The following PGM5 variants were observed in gnomAD, a reference collection of about 807,000 sequenced individuals.
The protein encoded by PGM5 is phosphoglucomutase 5, also known as phosphoglucomutase-like protein 5.
A neutral mutation model predicts 59.2 loss-of-function variants in PGM5; 23 were observed. The observed-to-expected ratio is 0.39, with a 90% CI of 0.28 to 0.55. The LOEUF is 0.55. Ranked by LOEUF, PGM5 falls within the 20% of genes least tolerant of loss-of-function variation. The pLI is 0.66. For missense variants in PGM5, 574 were observed against 748.3 expected, an observed-to-expected ratio of 0.77 and a Z score of 2.72; for synonymous variants, 214 against 286.0, an observed-to-expected ratio of 0.75 and a Z score of 2.54.
In PGM5 at chr9:68,384,655, G is replaced by C. The variant is rs1162422304; in HGVS notation, c.571+111G>C. 12 of 685,848 alleles carry C rather than the reference G, an allele frequency of 1.7e-5. No individual in the cohort carries two copies. The African/African-American group carries it at 2.2e-4, about 13-fold the overall frequency. The allele number at this position is 685,848 out of a possible 1,614,324, so 42.5% of individuals were successfully genotyped here. A position where few individuals can be genotyped will look rare whatever the true frequency, so the allele number is the denominator to read the frequency against. ...TTATTGCATTGTTAATCTCAGGGGT[G>C]ACTCGATAAATGTGTGTAAACTTAA... is the stretch of plus-strand genomic sequence containing the variant. On this transcript the variant is annotated intron_variant, in intron 3 of 10. Transcript: ENST00000396396.
chr9:68,499,621 G>A (rs546388778), intron 10 of PGM5, among the ~76,000 whole-genome samples: 6 of 152,338 alleles, frequency 3.9e-5, no homozygotes, highest in African/African-American at 1.4e-4. Flanking sequence ...TGACTGTTGA[G>A]TGGTTTGTTA....
intron 6 of PGM5, among the ~76,000 whole-genome samples, chr9:68,427,789 C>A (rs1429641098): frequency 1.3e-5 from 2 of 152,108 alleles, no homozygotes; most frequent in Non-Finnish European, 2.9e-5. Flanking sequence ...GGATGAAAAC[C>A]AATCCTAGGT....
At chr9:68,358,996 G>A (rs1308895217) in intron 1 of PGM5, among the ~76,000 whole-genome samples, 4 of 152,156 alleles carry the variant, frequency 2.6e-5, no homozygotes, top group African/African-American at 9.7e-5. Context: ...GGAGAATAAC[G>A]AGCCTTGGGA....
intron 6 of PGM5, among the ~76,000 whole-genome samples, chr9:68,434,188 G>T (rs1323552274): frequency 2.6e-5 from 4 of 151,666 alleles, no homozygotes; most frequent in African/African-American, 9.7e-5. Context: ...ATGGTGGTGG[G>T]TGCCTGTAAC....
At chr9:68,407,537 A>G (rs1822844970) in intron 6 of PGM5, among the ~76,000 whole-genome samples, 1 of 152,206 alleles carries the variant, frequency 6.6e-6, no homozygotes, top group Non-Finnish European at 1.5e-5. Flanking sequence ...ATAGGACCCT[A>G]GAAGTCCCAT....
At chr9:68,376,487 G>A (rs1170460442) in intron 1 of PGM5, among the ~76,000 whole-genome samples, 2 of 129,040 alleles carry the variant, frequency 1.5e-5, no homozygotes, top group East Asian at 2.1e-4. Flanking sequence ...GTGTGTGTGT[G>A]TGTGTGTGTG....
chr9:68,497,140 A>G (rs1324750070), intron 9 of PGM5: 6 of 152,214 alleles, frequency 3.9e-5, no homozygotes, highest in Non-Finnish European at 8.8e-5. Context: ...ACAGTCAGTA[A>G]TTGCTTCACT....
chr9:68,421,843 T>C (rs1823135609), intron 6 of PGM5, among the ~76,000 whole-genome samples: 1 of 151,696 alleles, frequency 6.6e-6, no homozygotes, highest in Non-Finnish European at 1.5e-5. Flanking sequence ...CATAGTACAA[T>C]TTGTAGAGAA....
chr9:68,433,176 A>G (rs1823383441), intron 6 of PGM5, among the ~76,000 whole-genome samples: 1 of 152,200 alleles, frequency 6.6e-6, no homozygotes, highest in African/African-American at 2.4e-5. Context: ...CGTCTTCCCC[A>G]AAGTTAAAAA....
chr9:68,370,704 C>T (rs1307059464), intron 1 of PGM5, among the ~76,000 whole-genome samples: 4 of 152,214 alleles, frequency 2.6e-5, no homozygotes, highest in African/African-American at 7.2e-5. Context: ...TATTGATTCC[C>T]TTGGCACCTG....
chr9:68,492,097 G>A (rs1043462413), intron 9 of PGM5, among the ~76,000 whole-genome samples: 9 of 152,124 alleles, frequency 5.9e-5, no homozygotes, highest in East Asian at 3.9e-4. Flanking sequence ...CTGTGTTGTC[G>A]GGTGGATGAG....
chr9:68,457,803 CA>C (rs869052613), intron 6 of PGM5, among the ~76,000 whole-genome samples: 3 of 151,430 alleles, frequency 2.0e-5, no homozygotes, highest in East Asian at 3.9e-4. Context: ...TTATATAAGT[CA>C]TTTTTTTTTA....
intron 1 of PGM5, among the ~76,000 whole-genome samples, chr9:68,360,350 T>C (rs1476345924): frequency 2.0e-5 from 3 of 151,178 alleles, no homozygotes; most frequent in Non-Finnish European, 4.4e-5. Context: ...ATAAAATTAT[T>C]ATAGAATCAA....
chr9:68,374,713 G>A (rs71208462), intron 1 of PGM5, among the ~76,000 whole-genome samples: 6 of 152,042 alleles, frequency 3.9e-5, no homozygotes, highest in African/African-American at 9.6e-5. Flanking sequence ...CAGAGCAGCC[G>A]TTCATCATTC....
intron 6 of PGM5, among the ~76,000 whole-genome samples, chr9:68,445,483 G>A (rs1362811051): frequency 6.6e-6 from 1 of 152,186 alleles, no homozygotes; most frequent in East Asian, 1.9e-4. Flanking sequence ...AGGCTCCCTA[G>A]ATAGTGTGAG....
chr9:68,418,450 C>G (rs1431283497), intron 6 of PGM5, among the ~76,000 whole-genome samples: 1 of 152,212 alleles, frequency 6.6e-6, no homozygotes, highest in South Asian at 2.1e-4. Context: ...TTAGTTAACA[C>G]CCTGCTGCAT....
At chr9:68,515,242 A>C (rs1191980442) in intron 10 of PGM5, among the ~76,000 whole-genome samples, 3 of 152,222 alleles carry the variant, frequency 2.0e-5, no homozygotes, top group African/African-American at 7.2e-5. Flanking sequence ...GTGTGCATTA[A>C]CCATCCATTA....
At chr9:68,462,370 G>A (rs1471459836) in intron 6 of PGM5, among the ~76,000 whole-genome samples, 1 of 152,138 alleles carries the variant, frequency 6.6e-6, no homozygotes, top group Admixed American at 6.6e-5. Flanking sequence ...TGCTGTGTTT[G>A]GGATGAATCC....
intron 6 of PGM5, among the ~76,000 whole-genome samples, chr9:68,415,800 T>TATCTGTCTATCA (rs1823015523): frequency 8.4e-6 from 1 of 118,480 alleles, no homozygotes; most frequent in Non-Finnish European, 1.8e-5. Flanking sequence ...TCTATCTATC[T>TATCTGTCTATCA]ATCTATCTAT....
Sources: allele counts gnomAD v4.1 joint callset (sites outside exome capture counted in the v4.1 genomes callset), GRCh38; gene constraint gnomAD v4.1.1; transcripts MANE v1.5; gene names NCBI Gene and HGNC (gene_info 2026-07-23, HGNC 2026-07-21).